ADARB2: variants seen among roughly 807,000 people sequenced by gnomAD.
ADARB2 encodes the protein adenosine deaminase RNA specific B2 (inactive).
ADARB2 carries 25 observed loss-of-function variants against 62.2 expected under a neutral mutation model. The ratio of observed to expected loss-of-function variants is 0.40; its 90% CI spans 0.29 to 0.56. The LOEUF is 0.56. ADARB2 is among the 20% of genes least tolerant of loss of function. ADARB2 has a pLI of 0.43. For synonymous variants in ADARB2, 572 were observed against 500.8 expected (o/e 1.14, Z -1.90); for missense variants, 1,071 against 1,077.4 (o/e 0.99, Z 0.08).
intron 1 of ADARB2, among the ~76,000 whole-genome samples, chr10:1,421,049 AGGGG>A (rs1019515077): frequency 2.0e-5 from 3 of 151,924 alleles, no homozygotes; most frequent in Admixed American, 2.0e-4. Flanking sequence ...ACTCGCCTCC[AGGGG>A]GAGCTCGAAG....
chr10:1,599,009 A>G (rs1833374623), intron 1 of ADARB2, among the ~76,000 whole-genome samples: 1 of 152,238 alleles, frequency 6.6e-6, no homozygotes, highest in Admixed American at 6.5e-5. Flanking sequence ...CTCAGCTGTT[A>G]CCATGCAGCC....
At chr10:1,220,829 C>T (rs570554033) in intron 6 of ADARB2, among the ~76,000 whole-genome samples, 1 of 152,304 alleles carries the variant, frequency 6.6e-6, no homozygotes, top group South Asian at 2.1e-4. Context: ...CTGTTAATGC[C>T]ATGACAACAG....
chr10:1,654,029 A>T (rs2119077347), intron 1 of ADARB2, among the ~76,000 whole-genome samples: 1 of 151,978 alleles, frequency 6.6e-6, no homozygotes, highest in Middle Eastern at 3.4e-3. Flanking sequence ...GGCTCTGTGG[A>T]GGTAGAGGAG....
intron 1 of ADARB2, among the ~76,000 whole-genome samples, chr10:1,489,723 C>G (rs935992312): frequency 1.5e-4 from 23 of 152,168 alleles, no homozygotes; most frequent in African/African-American, 5.3e-4. Flanking sequence ...CAAACCAGCA[C>G]TTTCTGAAGC....
chr10:1,412,215 A>T (rs1832765523), intron 1 of ADARB2, among the ~76,000 whole-genome samples: 1 of 152,100 alleles, frequency 6.6e-6, no homozygotes, highest in Admixed American at 6.6e-5. Context: ...GCGAGCCCGG[A>T]GACCTCGGGG....
At chr10:1,408,110 A>G (rs1196800772) in intron 1 of ADARB2, among the ~76,000 whole-genome samples, 6 of 152,216 alleles carry the variant, frequency 3.9e-5, no homozygotes, top group Admixed American at 3.9e-4. Context: ...AATTGGATTT[A>G]ATTTGTAAAT....
chr10:1,346,200 G>A lies in ADARB2; in HGVS notation c.1077+16828C>T, dbSNP rs139393769. 4.4e-3 allele frequency among the ~76,000 whole-genome samples: 672 copies of A among 152,294 alleles called. 2 individuals are homozygous for A. Among genetic ancestry groups the A allele is most frequent in the African/African-American group, 0.015 (624 of 41,550 alleles). On this transcript the variant is annotated intron_variant, in intron 3 of 9. Transcript: ENST00000381312. ...TTTAAAAACCTTTAATCGTGGTGCC[G>A]TTGTTACAAACTCTCATTCCACTTT...
chr10:1,285,529 G>A (rs893681856), intron 3 of ADARB2, among the ~76,000 whole-genome samples: 3 of 152,180 alleles, frequency 2.0e-5, no homozygotes, highest in Non-Finnish European at 4.4e-5. Flanking sequence ...GTGGTTTCTC[G>A]TTACACAATA....
chr10:1,345,345 T>C (rs537007074), intron 3 of ADARB2, among the ~76,000 whole-genome samples: 1 of 152,244 alleles, frequency 6.6e-6, no homozygotes, highest in South Asian at 2.1e-4. Context: ...GTGAGGTTGC[T>C]CAGAGTCTGC....
rs1358999153 is a variant in ADARB2 at position 1,178,464 on chromosome 10, G to A, written c.*4729C>T. 1 of 152,296 alleles carries A rather than the reference G, an allele frequency of 6.6e-6. No individual in the cohort carries two copies. Among genetic ancestry groups the A allele is most frequent in the Non-Finnish European group, 1.5e-5 (1 of 68,102 alleles). The allele number at this position is 152,296 out of a possible 1,614,324, so 9.4% of individuals were successfully genotyped here. On this transcript the variant is annotated 3_prime_UTR_variant, in exon 10 of 10. Transcript: ENST00000381312. Reference sequence around the variant, plus strand: ...TCCTTCCTTCACTTTCTCGGATTCAGAATTTGTGGGAGAAGTTTGACGGGT... The same window carrying A: ...TCCTTCCTTCACTTTCTCGGATTCAAAATTTGTGGGAGAAGTTTGACGGGT...
chr10:1,516,247 TC>T (rs1327671760), intron 1 of ADARB2, among the ~76,000 whole-genome samples: 3 of 151,948 alleles, frequency 2.0e-5, no homozygotes, highest in Admixed American at 6.5e-5. Flanking sequence ...TAAACCACCT[TC>T]CCTCCATCCT....
At chr10:1,323,196 T>G (rs1831810321) in intron 3 of ADARB2, among the ~76,000 whole-genome samples, 2 of 151,688 alleles carry the variant, frequency 1.3e-5, no homozygotes, top group Non-Finnish European at 2.9e-5. Flanking sequence ...TAGTTAATAT[T>G]GTCATCATCC....
At chr10:1,195,575 G>T (rs1464128698) in intron 8 of ADARB2, among the ~76,000 whole-genome samples, 1 of 152,070 alleles carries the variant, frequency 6.6e-6, no homozygotes, top group Admixed American at 6.5e-5. Context: ...GACTCCAGGG[G>T]TGTGGCTGTG....
chr10:1,610,059 T>TA (rs1229588942), intron 1 of ADARB2, among the ~76,000 whole-genome samples: 3 of 150,692 alleles, frequency 2.0e-5, no homozygotes, highest in Non-Finnish European at 4.4e-5. Flanking sequence ...TTTTTTTTTT[T>TA]ATTATTACTG....
chr10:1,601,384 C>A (rs1193980952), intron 1 of ADARB2, among the ~76,000 whole-genome samples: 2 of 152,224 alleles, frequency 1.3e-5, no homozygotes, highest in Non-Finnish European at 2.9e-5. Flanking sequence ...TTCTTGCCAG[C>A]ATGCCCTTCT....
chr10:1,211,440 T>C (rs1837150250), intron 7 of ADARB2, among the ~76,000 whole-genome samples: 1 of 152,202 alleles, frequency 6.6e-6, no homozygotes, highest in South Asian at 2.1e-4. Flanking sequence ...CTGCACCCAC[T>C]GTGCCAGACA....
chr10:1,230,172 C>T (rs755941304), intron 6 of ADARB2, among the ~76,000 whole-genome samples: 1 of 152,168 alleles, frequency 6.6e-6, no homozygotes, highest in Non-Finnish European at 1.5e-5. Flanking sequence ...TCTCTGCACT[C>T]TGCGGCCTCT....
At chr10:1,195,657 C>G (rs1242036339) in intron 8 of ADARB2, among the ~76,000 whole-genome samples, 1 of 152,006 alleles carries the variant, frequency 6.6e-6, no homozygotes, top group African/African-American at 2.4e-5. Context: ...CAGCCTGAGG[C>G]TTCTGAATCC....
chr10:1,619,732 G>A lies in ADARB2; in HGVS notation c.100+117319C>T, dbSNP rs946902990. Among the ~76,000 whole-genome samples, 4 of 152,268 alleles carry A rather than the reference G, an allele frequency of 2.6e-5. No homozygotes were observed. The East Asian group carries it at 5.8e-4, about 22-fold the overall frequency. On this transcript the variant is annotated intron_variant, in intron 1 of 9. Transcript: ENST00000381312. ...CCCAAAGTGCTGGGATTACAGGCAT[G>A]AGCCACCATTCCCTGCCCACATATT...
Sources: gnomAD v4.1 joint callset for allele counts (sites outside exome capture counted in the v4.1 genomes callset) on GRCh38, gnomAD v4.1.1 for gene constraint, MANE v1.5 for transcripts, NCBI Gene and HGNC (gene_info 2026-07-23, HGNC 2026-07-21) for gene names.